SLC35F5: variants seen among roughly 807,000 people sequenced by gnomAD.
SLC35F5 encodes the protein solute carrier family 35 member F5.
SLC35F5 carries 54 observed loss-of-function variants against 68.6 expected under a neutral mutation model. That is an observed-to-expected ratio of 0.79 (90% CI 0.63 to 0.99). The LOEUF is 0.99. SLC35F5 is among the 50% of genes least tolerant of loss of function. The pLI is 0.00. For synonymous variants in SLC35F5, 211 were observed against 205.2 expected, an observed-to-expected ratio of 1.03 and a Z score of -0.24; for missense variants, 567 against 626.9, an observed-to-expected ratio of 0.90 and a Z score of 1.02.
intron 7 of SLC35F5, among the ~76,000 whole-genome samples, chr2:113,736,392 G>A (rs1688097225): frequency 6.6e-6 from 1 of 150,990 alleles, no homozygotes; most frequent in South Asian, 2.1e-4. Flanking sequence ...CTGCAGTGAG[G>A]CATAACTGCC....
intron 14 of SLC35F5, among the ~76,000 whole-genome samples, chr2:113,718,483 A>T (rs1559316838): frequency 6.6e-6 from 1 of 152,184 alleles, no homozygotes; most frequent in Non-Finnish European, 1.5e-5. Flanking sequence ...AGTTTTCTAT[A>T]TTTAAGTTTG....
chr2:113,742,523 A>T lies in SLC35F5; in HGVS notation c.750+169T>A, dbSNP rs1057125100. 1.6e-4 allele frequency: 102 copies of T among 634,984 alleles called. 1 individual carries two copies. The Admixed American group carries it at 2.3e-3, about 14-fold the overall frequency. 39.3% of individuals were successfully genotyped at this position (634,984 alleles called of 1,614,324 possible). On this transcript the variant is annotated intron_variant, in intron 7 of 15. Transcript: ENST00000245680. ...TCTAACTCTTTGAGGTATATCAAGCATTTATTAATTTTGATACCCTAACTT... is the reference window on the plus strand; with the variant it reads ...TCTAACTCTTTGAGGTATATCAAGCTTTTATTAATTTTGATACCCTAACTT...
intron 4 of SLC35F5, among the ~76,000 whole-genome samples, chr2:113,749,905 A>G (rs1053344014): frequency 3.3e-5 from 5 of 152,178 alleles, no homozygotes; most frequent in African/African-American, 1.2e-4. Context: ...AGGAAGATAT[A>G]TCATTATATA....
intron 11 of SLC35F5, among the ~76,000 whole-genome samples, chr2:113,727,019 AT>A (rs1687690867): frequency 1.3e-5 from 2 of 152,240 alleles, no homozygotes; most frequent in South Asian, 4.2e-4. Flanking sequence ...TTGACTTGTA[AT>A]CCCCACGTGT....
chr2:113,718,931 GA>G (rs879873502), intron 14 of SLC35F5, among the ~76,000 whole-genome samples: 1,383 of 110,948 alleles, frequency 0.012, 33 homozygotes, highest in Non-Finnish European at 0.02. Flanking sequence ...GAAAGAAAAA[GA>G]AAGGAAGAAA....
intron 4 of SLC35F5, among the ~76,000 whole-genome samples, 163 bp downstream of exon 4, chr2:113,750,262 A>C (rs915876434): frequency 6.6e-6 from 1 of 152,240 alleles, no homozygotes; most frequent in African/African-American, 2.4e-5. Flanking sequence ...TAGAAGAATA[A>C]ATTTAAAATT....
At chr2:113,756,106 G>A in intron 1 of SLC35F5, 1 of 1,446,140 alleles carries the variant, frequency 6.9e-7, no homozygotes. Flanking sequence ...TCATCCTTCT[G>A]TTTTGGAGCG....
At chr2:113,717,473 T>C (rs916928759) in intron 15 of SLC35F5, 1 of 213,352 alleles carries the variant, frequency 4.7e-6, no homozygotes, top group African/African-American at 2.3e-5. Context: ...TTATACATAC[T>C]TTATATTTAC....
intron 1 of SLC35F5, 129 bp from the exon 2 acceptor site, chr2:113,755,673 TA>T (rs1676951930): frequency 9.4e-7 from 1 of 1,065,010 alleles, no homozygotes; most frequent in South Asian, 1.4e-5. Flanking sequence ...GTGTTAAACA[TA>T]CTTGCCACCT....
At chr2:113,743,267 A>T (rs1676357091) in intron 6 of SLC35F5, among the ~76,000 whole-genome samples, 1 of 152,168 alleles carries the variant, frequency 6.6e-6, no homozygotes, top group African/African-American at 2.4e-5. Context: ...TTGGGCAAGC[A>T]CGCAGAACAA....
rs755102738 is a variant in SLC35F5, at chr2:113,723,129, A to G, written c.1316T>C (p.Ile439Thr). 7.0e-6 allele frequency: 11 copies of G among 1,578,640 alleles called. No homozygotes were observed. The Admixed American group carries it at 1.4e-4, about 20-fold the overall frequency. ...CTTTTGCATACACATGTCAGCTATTATGGACAGAGGTATTGTAAGGCTTAG... is the reference window on the plus strand; with the variant it reads ...CTTTTGCATACACATGTCAGCTATTGTGGACAGAGGTATTGTAAGGCTTAG... ...LALSLTIPLS[I>T]IADMCMQKVQ... The change falls in exon 13 of 16, where the codon ATA (isoleucine) becomes ACA (threonine). Residue 439 changes from isoleucine (I) to threonine (T), a missense_variant. By Grantham distance (89) the Ile-to-Thr change is moderately conservative. Coordinates refer to ENST00000245680, the MANE Select transcript of SLC35F5 (RefSeq NM_025181.5).
chr2:113,750,336 C>T (rs1676682335), intron 4 of SLC35F5, 89 bp downstream of exon 4: 2 of 1,241,022 alleles, frequency 1.6e-6, no homozygotes, highest in Non-Finnish European at 2.2e-6. Flanking sequence ...TAAAATATGA[C>T]CGTCCTTAAA....
rs940605211 is a variant in SLC35F5, at chr2:113,729,483, T to A, written c.1008A>T (p.Gly336=). 2.8e-5 allele frequency: 44 copies of A among 1,592,250 alleles called. No individual in the cohort carries two copies. The highest frequency in any genetic ancestry group is 4.1e-5 in the African/African-American group (3 of 73,568). The change falls in exon 11 of 16, where the codon GGA becomes GGT. Residue 336 remains glycine (G), a synonymous_variant. Transcript: ENST00000245680. The stretch of plus-strand genomic sequence containing the variant: ...CAATATAGACAGCATAGAGCATGGC[T>A]CCAGCAAGAGACCAAATGGAACCTG... ...DTVGSIWSLA[G]AMLYAVYIVM...
rs200771776 is a variant in SLC35F5, at chr2:113,718,940, AAAGG to A, written c.1496+210_1496+213del. ...AAGAAAGAAAGAAAAAGAAAGGAAG[AAAGG>A]AAGGAAGGAAGAAAGAAAGAAAGAA... On this transcript the variant is annotated intron_variant, in intron 14 of 15. Coordinates refer to ENST00000245680, the MANE Select transcript of SLC35F5 (RefSeq NM_025181.5). Among the ~76,000 whole-genome samples, 411 of 150,064 alleles carry A rather than the reference AAAGG, an allele frequency of 2.7e-3. 1 individual carries two copies. The highest frequency in any genetic ancestry group is 6.6e-3 in the African/African-American group (268 of 40,744).
At chr2:113,725,708 T>TTA (rs1687633794) in intron 11 of SLC35F5, 171 bp from the exon 12 acceptor site, 3 of 463,638 alleles carry the variant, frequency 6.5e-6, no homozygotes, top group Admixed American at 4.2e-5. Context: ...CTCAACGCCA[T>TTA]AGAAAAAAAA....
Position 113,756,431 on chromosome 2 carries a change from C to T in SLC35F5, c.-22G>A. 6.5e-7 allele frequency: 1 copy of T among 1,543,714 alleles called. No individual in the cohort carries two copies. The highest frequency in any genetic ancestry group is 8.7e-7 in the Non-Finnish European group (1 of 1,146,658). ...CCATGAGCGGACCGGTCAGGCCCCG[C>T]AGCCGCCCAGCGCCACGGCCGCGGC... On this transcript the variant is annotated 5_prime_UTR_variant, in exon 1 of 16. Transcript: ENST00000245680.
intron 8 of SLC35F5, among the ~76,000 whole-genome samples, chr2:113,735,179 C>T (rs1688038714): frequency 6.6e-6 from 1 of 152,050 alleles, no homozygotes; most frequent in Non-Finnish European, 1.5e-5. Context: ...AACTACAATA[C>T]AAAAGGCCAG....
At chr2:113,729,748 C>T (rs1263119551) in intron 10 of SLC35F5, among the ~76,000 whole-genome samples, 3 of 152,052 alleles carry the variant, frequency 2.0e-5, no homozygotes, top group East Asian at 3.8e-4. Context: ...AAAGCATTCA[C>T]CTCAATGATT....
downstream of SLC35F5, among the ~76,000 whole-genome samples, chr2:113,702,903 G>A (rs948829006): frequency 1.4e-4 from 21 of 152,142 alleles, no homozygotes. Context: ...GAGGCCAGGA[G>A]TTCGAGACCA....
Sources: gnomAD v4.1 joint callset for allele counts (sites outside exome capture counted in the v4.1 genomes callset) on GRCh38, gnomAD v4.1.1 for gene constraint, MANE v1.5 for transcripts, NCBI Gene and HGNC (gene_info 2026-07-23, HGNC 2026-07-21) for gene names.